RECK: variants seen among roughly 807,000 people sequenced by gnomAD.
The protein encoded by RECK is reversion inducing cysteine rich protein with kazal motifs, also known as reversion-inducing cysteine-rich protein with Kazal motifs.
A neutral mutation model predicts 115.1 loss-of-function variants in RECK; 69 were observed. That is an observed-to-expected ratio of 0.60 (90% CI 0.49 to 0.73). The LOEUF is 0.73. Among genes scored for constraint, RECK ranks in the 30% least tolerant of loss-of-function variants. The pLI is 0.00. For synonymous variants in RECK, 414 were observed against 419.7 expected, an observed-to-expected ratio of 0.99 and a Z score of 0.17; for missense variants, 1,047 against 1,203.7, an observed-to-expected ratio of 0.87 and a Z score of 1.93.
intron 10 of RECK, among the ~76,000 whole-genome samples, chr9:36,095,921 A>AT (rs1823316088): frequency 6.8e-6 from 1 of 147,770 alleles, no homozygotes; most frequent in South Asian, 2.2e-4. Context: ...AAATACAAAA[A>AT]AAAAATTAGC....
At chr9:36,110,995 C>T (rs1312100251) in intron 15 of RECK, among the ~76,000 whole-genome samples, 1 of 152,136 alleles carries the variant, frequency 6.6e-6, no homozygotes, top group African/African-American at 2.4e-5. Flanking sequence ...TTATCCTTTG[C>T]CCTGCTCAAG....
In RECK at chr9:36,116,983, A is replaced by T. The variant is rs766978272; in HGVS notation, c.2061-2A>T. On this transcript the variant is annotated splice_acceptor_variant, in intron 16 of 20. Coordinates refer to ENST00000377966, the MANE Select transcript of RECK (RefSeq NM_021111.3). LOFTEE classifies it high-confidence loss of function. ...TCATGGTGCTGCATTCGTCTTTTTC[A>T]GGTGCATACCCAAACCACAGGTCTG... The T allele has an allele frequency of 6.2e-7, 1 of 1,603,526 alleles. No individual in the cohort carries two copies. Among genetic ancestry groups the T allele is most frequent in the Non-Finnish European group, 8.5e-7 (1 of 1,172,858 alleles).
rs1046658 is a variant in RECK at position 36,083,433 on chromosome 9, C to T, written c.508C>T (p.Arg170Ter). 3.1e-6 allele frequency: 5 copies of T among 1,613,872 alleles called. No individual in the cohort carries two copies. The highest frequency in any genetic ancestry group is 4.5e-5 in the East Asian group (2 of 44,894). ...CCGAGAATACTGTCAAGCCATTTTT[C>T]GAACAGACTCTTCTCCTGGTCCATC... ...NCREYCQAIF[R>*]TDSSPGPSQI... is the part of the protein sequence containing the mutation. The change falls in exon 8 of 21, where the codon CGA becomes TGA. Residue 170 changes from arginine to a stop codon, truncating the protein, a stop_gained. Transcript: ENST00000377966. LOFTEE classifies it high-confidence loss of function.
At chr9:36,108,206 T>C (rs773742415) in intron 14 of RECK, 42 bp downstream of exon 14, 1 of 1,413,578 alleles carries the variant, frequency 7.1e-7, no homozygotes, top group Non-Finnish European at 9.7e-7. Flanking sequence ...ATGAGATTAG[T>C]TATTTTTACT....
At chr9:36,055,004 T>C (rs1821464474) in intron 2 of RECK, among the ~76,000 whole-genome samples, 1 of 152,178 alleles carries the variant, frequency 6.6e-6, no homozygotes, top group South Asian at 2.1e-4. Context: ...AAATGAGTTA[T>C]AACAGAGGAA....
chr9:36,084,457 G>A (rs1014890069), intron 8 of RECK, among the ~76,000 whole-genome samples: 2 of 152,188 alleles, frequency 1.3e-5, no homozygotes, highest in Non-Finnish European at 2.9e-5. Flanking sequence ...CACTTTGGGA[G>A]GCTGAGGTGG....
chr9:36,058,193 T>C (rs911659725), intron 2 of RECK, among the ~76,000 whole-genome samples: 5 of 152,050 alleles, frequency 3.3e-5, no homozygotes, highest in African/African-American at 1.2e-4. Flanking sequence ...GCTATAAAGA[T>C]ACATGCACAC....
At chr9:36,121,437 A>G (rs1377715649) in intron 19 of RECK, 96 bp from the exon 20 acceptor site, 1 of 1,232,040 alleles carries the variant, frequency 8.1e-7, no homozygotes, top group Non-Finnish European at 1.1e-6. Flanking sequence ...CTGTGCGGTC[A>G]AAAGAGCCTC....
chr9:36,043,192 T>TTTG (rs1820950459), intron 1 of RECK, among the ~76,000 whole-genome samples: 1 of 42,966 alleles, frequency 2.3e-5, no homozygotes, highest in Non-Finnish European at 4.3e-5. Flanking sequence ...GCCTGGCTAA[T>TTTG]TTTTTTTTTT....
intron 4 of RECK, among the ~76,000 whole-genome samples, chr9:36,062,676 C>T (rs1588284921): frequency 6.6e-6 from 1 of 151,756 alleles, no homozygotes; most frequent in East Asian, 2.0e-4. Flanking sequence ...TGGGGGTTCA[C>T]CATGTTGGCC....
chr9:36,063,774 T>C (rs957933275), intron 4 of RECK, 21 bp from the exon 5 acceptor site: 4 of 1,611,470 alleles, frequency 2.5e-6, no homozygotes, highest in Non-Finnish European at 3.4e-6. Flanking sequence ...GACCAAAACA[T>C]TTAAACATTT....
Position 36,058,841 on chromosome 9 carries a change from A to C in RECK, c.174A>C (p.Lys58Asn). 6.3e-7 allele frequency: 1 copy of C among 1,595,384 alleles called. No individual in the cohort carries two copies. Among genetic ancestry groups the C allele is most frequent in the South Asian group, 1.1e-5 (1 of 88,274 alleles). ...RDVCEQIFSS[K>N]SESRLKHLLQ... ...TTGTCAAATAGATTTTCTCCTCAAA[A>C]AGTGAATCCCGACTAAAACATCTGT... is the stretch of plus-strand genomic sequence containing the variant. Residue 58 changes from lysine (K) to asparagine (N), a missense_variant, in exon 3 of 21, where the codon AAA becomes AAC. Coordinates refer to ENST00000377966, the MANE Select transcript of RECK (RefSeq NM_021111.3).
chr9:36,084,447 C>A (rs189625895), intron 8 of RECK, among the ~76,000 whole-genome samples: 2 of 152,218 alleles, frequency 1.3e-5, no homozygotes, highest in East Asian at 3.9e-4. Context: ...GTAATCCCAG[C>A]ACTTTGGGAG....
At chr9:36,108,937 C>T (rs1377512893) in intron 14 of RECK, among the ~76,000 whole-genome samples, 1 of 151,984 alleles carries the variant, frequency 6.6e-6, no homozygotes, top group African/African-American at 2.4e-5. Context: ...TACTCCCATC[C>T]CCTACCCCTT....
chr9:36,041,921 T>C (rs1820882549), intron 1 of RECK, among the ~76,000 whole-genome samples: 1 of 152,178 alleles, frequency 6.6e-6, no homozygotes, highest in East Asian at 1.9e-4. Context: ...ATTTATCTTT[T>C]GATTTAAAAA....
intron 1 of RECK, among the ~76,000 whole-genome samples, chr9:36,048,845 A>G (rs1020635011): frequency 6.6e-6 from 1 of 152,150 alleles, no homozygotes; most frequent in Non-Finnish European, 1.5e-5. Context: ...ACCCAGAATC[A>G]GCATCTACCC....
intron 13 of RECK, among the ~76,000 whole-genome samples, chr9:36,106,297 C>T (rs1202724682): frequency 6.7e-6 from 1 of 150,290 alleles, no homozygotes; most frequent in Non-Finnish European, 1.5e-5. Flanking sequence ...TGTAATGGCA[C>T]TATCTTGGCT....
chr9:36,041,061 C>A (rs1041525342), intron 1 of RECK, among the ~76,000 whole-genome samples: 2 of 152,042 alleles, frequency 1.3e-5, no homozygotes, highest in Non-Finnish European at 2.9e-5. Context: ...TACTGACAGA[C>A]ACTGTGATAG....
intron 1 of RECK, among the ~76,000 whole-genome samples, chr9:36,042,950 ATGTT>A (rs2132547515): frequency 8.4e-6 from 1 of 119,526 alleles, no homozygotes; most frequent in African/African-American, 3.3e-5. Context: ...ATTTTTTCAT[ATGTT>A]TGTTGGCCAT....
Sources: gnomAD v4.1 joint callset for allele counts (sites outside exome capture counted in the v4.1 genomes callset) on GRCh38, gnomAD v4.1.1 for gene constraint, MANE v1.5 for transcripts, NCBI Gene and HGNC (gene_info 2026-07-23, HGNC 2026-07-21) for gene names.